The following CHM variants were observed in gnomAD, a reference collection of about 807,000 sequenced individuals.
The protein encoded by CHM is CHM Rab escort protein.
CHM carries 10 observed loss-of-function variants against 49.0 expected under a neutral mutation model. The ratio of observed to expected loss-of-function variants is 0.20; its 90% CI spans 0.13 to 0.35. The LOEUF (loss-of-function observed/expected upper bound fraction) is 0.35. Among genes scored for constraint, CHM ranks in the 10% least tolerant of loss-of-function variants. The probability of loss-of-function intolerance (pLI) is 1.00; values close to 1 mark genes in which losing one functional copy is unlikely to be tolerated. For missense variants in CHM, 455 were observed against 478.4 expected (o/e 0.95, Z 0.46); for synonymous variants, 184 against 167.5 (o/e 1.10, Z -0.76).
At chrX:85,892,512 C>T (rs1247059776) in intron 12 of CHM, among the ~76,000 whole-genome samples, 7 of 109,727 alleles carry the variant, frequency 6.4e-5, no homozygotes, top group Admixed American at 3.9e-4. Flanking sequence ...TTCTTGCCAC[C>T]GCCATGTTAA....
chrX:85,964,137 A>G (rs959141832), intron 4 of CHM, 85 bp from the exon 5 acceptor site: 10 of 842,838 alleles, frequency 1.2e-5, no homozygotes, highest in Non-Finnish European at 1.5e-5. Flanking sequence ...CGTTTTGCTT[A>G]TGTGACTCAG....
chrX:85,907,314 T>C (rs925864679), intron 9 of CHM, among the ~76,000 whole-genome samples: 1 of 111,842 alleles, frequency 8.9e-6, no homozygotes, highest in African/African-American at 3.3e-5. Context: ...CTATTGGTTA[T>C]AGATGTATCT....
chrX:85,997,306 C>T (rs1932484950), intron 2 of CHM, among the ~76,000 whole-genome samples: 2 of 111,257 alleles, frequency 1.8e-5, no homozygotes, highest in South Asian at 7.7e-4. Context: ...TGTTTAATGT[C>T]TATACCCCCT....
chrX:85,913,575 C>G (rs1338552694), intron 8 of CHM, among the ~76,000 whole-genome samples: 1 of 109,757 alleles, frequency 9.1e-6, no homozygotes, highest in Non-Finnish European at 1.9e-5. Flanking sequence ...AACAGATTCT[C>G]CCCTAGTGGC....
At chrX:85,905,364 G>T (rs935780631) in intron 9 of CHM, among the ~76,000 whole-genome samples, 3 of 111,908 alleles carry the variant, frequency 2.7e-5, no homozygotes, top group Admixed American at 9.5e-5. Flanking sequence ...TAGTTCATTT[G>T]TTCAACATAA....
intron 11 of CHM, among the ~76,000 whole-genome samples, chrX:85,899,400 C>T (rs1278382342): frequency 9.0e-6 from 1 of 111,123 alleles, no homozygotes; most frequent in African/African-American, 3.3e-5. Context: ...CTTTTCCTAC[C>T]AGATTTTTAA....
intron 3 of CHM, among the ~76,000 whole-genome samples, chrX:85,979,514 T>C (rs1374871669): frequency 9.0e-6 from 1 of 110,962 alleles, no homozygotes; most frequent in East Asian, 2.8e-4. Context: ...TCACTAAGGG[T>C]TGAAAGTGGT....
At chrX:85,975,313 C>A (rs187625107) in intron 4 of CHM, among the ~76,000 whole-genome samples, 441 of 112,052 alleles carry the variant, frequency 3.9e-3, no homozygotes, top group East Asian at 0.016. Context: ...GAAATGAAAA[C>A]TTTTATCCCA....
At chrX:86,000,355 A>G (rs1393968314) in intron 2 of CHM, among the ~76,000 whole-genome samples, 8 of 109,008 alleles carry the variant, frequency 7.3e-5, no homozygotes, top group Non-Finnish European at 1.3e-4. Context: ...TACAAGTTCA[A>G]TAAGTCAAAC....
intron 11 of CHM, among the ~76,000 whole-genome samples, chrX:85,895,125 TG>T (rs1925734620): frequency 9.6e-6 from 1 of 104,315 alleles, no homozygotes; most frequent in Non-Finnish European, 2.0e-5. Context: ...TTCAGGTCAA[TG>T]TTTTTTTTTG....
chrX:85,932,800 G>A (rs769852624), intron 8 of CHM, among the ~76,000 whole-genome samples: 3 of 111,696 alleles, frequency 2.7e-5, no homozygotes, highest in Non-Finnish European at 3.8e-5. Flanking sequence ...CACAATGCAT[G>A]GAAAGAGTGA....
At chrX:85,911,760 T>C (rs947966712) in intron 8 of CHM, among the ~76,000 whole-genome samples, 4 of 111,625 alleles carry the variant, frequency 3.6e-5, no homozygotes, top group East Asian at 2.8e-4. Flanking sequence ...CTAGATATTT[T>C]ACTTACAATA....
In CHM at chrX:85,913,360, G is replaced by A. The variant is rs372243791; in HGVS notation, c.1167-2022C>T. On this transcript the variant is annotated intron_variant, in intron 8 of 14. Coordinates refer to ENST00000357749, the MANE Select transcript of CHM (RefSeq NM_000390.4). ...AGAAAGAAAGAAAGAAAGAAAGAAA[G>A]AAAGAAAGAAAGAAAGAAAGAAAGA... Among the ~76,000 whole-genome samples, 20 of 64,525 alleles carry A rather than the reference G, an allele frequency of 3.1e-4. 2 individuals are homozygous for A. The highest frequency in any genetic ancestry group is 6.5e-4 in the South Asian group (1 of 1,530). 56.0% of individuals were successfully genotyped at this position (64,525 alleles called of 115,157 possible).
chrX:85,961,159 C>T (rs901407448), intron 5 of CHM, among the ~76,000 whole-genome samples: 6 of 110,724 alleles, frequency 5.4e-5, no homozygotes, highest in African/African-American at 1.3e-4. Flanking sequence ...CGGTGGCTCA[C>T]GCCTGTAATC....
intron 12 of CHM, among the ~76,000 whole-genome samples, chrX:85,890,721 T>A (rs1180469778): frequency 9.0e-6 from 1 of 111,572 alleles, no homozygotes; most frequent in African/African-American, 3.3e-5. Flanking sequence ...ATCAGCAGCA[T>A]GAAAACAGAC....
intron 6 of CHM, 84 bp downstream of exon 6, chrX:85,958,777 A>C: frequency 8.4e-7 from 1 of 1,191,671 alleles, no homozygotes; most frequent in Non-Finnish European, 1.1e-6. Flanking sequence ...TGAGGAAAAT[A>C]ACAATCTTAT....
intron 1 of CHM, among the ~76,000 whole-genome samples, chrX:86,037,081 G>A (rs1934276861): frequency 9.4e-6 from 1 of 106,436 alleles, no homozygotes; most frequent in Non-Finnish European, 1.9e-5. Flanking sequence ...TCCTTGCCAG[G>A]AAATAATCTC....
chrX:85,885,471 T>C lies in CHM; in HGVS notation c.1511-6408A>G, dbSNP rs187006487. Reference sequence around the variant, plus strand: ...AAAAGCCATAATTTTGTAATAAGTATGTCCAAGTTAATTTGCTCATGAATA... The same window carrying C: ...AAAAGCCATAATTTTGTAATAAGTACGTCCAAGTTAATTTGCTCATGAATA... On this transcript the variant is annotated intron_variant, in intron 12 of 14. Coordinates refer to ENST00000357749, the MANE Select transcript of CHM (RefSeq NM_000390.4). Among the ~76,000 whole-genome samples the C allele has an allele frequency of 4.5e-5, 5 of 110,747 alleles. No homozygotes were observed. The East Asian group carries it at 8.6e-4, about 19-fold the overall frequency.
chrX:85,971,675 T>A, intron 4 of CHM: 1 of 197,758 alleles, frequency 5.1e-6, no homozygotes, highest in Non-Finnish European at 1.0e-5. Flanking sequence ...TGGTTGCCAC[T>A]GCTGGCTGGG....
Sources: allele counts gnomAD v4.1 joint callset (sites outside exome capture counted in the v4.1 genomes callset), GRCh38; gene constraint gnomAD v4.1.1; transcripts MANE v1.5; gene names NCBI Gene and HGNC (gene_info 2026-07-23, HGNC 2026-07-21).